Variants in COL5A2 observed in about 807,000 individuals in gnomAD.
COL5A2 encodes the protein collagen type V alpha 2 chain.
Under a neutral mutation model 208.2 loss-of-function variants are expected in COL5A2, and 23 were observed. That is an observed-to-expected ratio of 0.11 (90% CI 0.08 to 0.16). The LOEUF is 0.16. Ranked by LOEUF, COL5A2 falls within the 10% of genes least tolerant of loss-of-function variation. The pLI, the probability that COL5A2 is intolerant of heterozygous loss-of-function variation, is 1.00. For synonymous variants in COL5A2, 625 were observed against 628.5 expected (o/e 0.99, Z 0.08); for missense variants, 1,590 against 1,956.4 (o/e 0.81, Z 3.53).
chr2:189,107,428 T>C (rs1307837076), intron 2 of COL5A2, among the ~76,000 whole-genome samples: 1 of 151,564 alleles, frequency 6.6e-6, no homozygotes, highest in African/African-American at 2.4e-5. Context: ...TTCTTTATCA[T>C]TTTTTGCTTT....
At chr2:189,193,435 C>T (rs559957246) in intron 1 of COL5A2, among the ~76,000 whole-genome samples, 1 of 152,244 alleles carries the variant, frequency 6.6e-6, no homozygotes, top group South Asian at 2.1e-4. Flanking sequence ...CACTTATGAC[C>T]ATAAGAGTTT....
chr2:189,108,791 C>A (rs985143038), intron 2 of COL5A2, among the ~76,000 whole-genome samples: 12 of 151,626 alleles, frequency 7.9e-5, no homozygotes, highest in African/African-American at 2.9e-4. Context: ...AATTGTAATT[C>A]ATTATTTTCC....
At chr2:189,062,173 T>C (rs1686046782) in intron 29 of COL5A2, among the ~76,000 whole-genome samples, 1 of 122,558 alleles carries the variant, frequency 8.2e-6, no homozygotes, top group South Asian at 2.8e-4. Flanking sequence ...TCCTAAAAAA[T>C]ACCTTAAATA....
chr2:189,215,553 C>CT (rs1442562640), intron 1 of COL5A2, among the ~76,000 whole-genome samples: 2 of 151,642 alleles, frequency 1.3e-5, no homozygotes, highest in Non-Finnish European at 2.9e-5. Flanking sequence ...TTTCTTTTTA[C>CT]TTTTTTTAAT....
At chr2:189,198,500 G>C (rs1689034034) in intron 1 of COL5A2, among the ~76,000 whole-genome samples, 1 of 152,162 alleles carries the variant, frequency 6.6e-6, no homozygotes. Flanking sequence ...AAGAAATCCA[G>C]TGGTGAAGAA....
At chr2:189,134,898 T>C (rs190654324) in intron 1 of COL5A2, among the ~76,000 whole-genome samples, 3 of 152,322 alleles carry the variant, frequency 2.0e-5, no homozygotes, top group Admixed American at 2.0e-4. Flanking sequence ...AGTAACAACA[T>C]TAGCTTCTGC....
chr2:189,257,975 G>A, the COL5A2 span, among the ~76,000 whole-genome samples: 56 of 152,142 alleles, frequency 3.7e-4, no homozygotes, highest in South Asian at 8.9e-3. Context: ...TTAGCCAGGC[G>A]TGGTGGCAGG....
chr2:189,179,922 C>T (rs937551216), upstream of COL5A2: 2 of 527,928 alleles, frequency 3.8e-6, no homozygotes, highest in Admixed American at 3.4e-5. Context: ...CGTCTCTGTG[C>T]CTGAACTTTC....
intron 1 of COL5A2, among the ~76,000 whole-genome samples, chr2:189,162,173 GTAT>G (rs1158351195): frequency 6.6e-6 from 1 of 152,178 alleles, no homozygotes; most frequent in African/African-American, 2.4e-5. Flanking sequence ...AGACCACAAA[GTAT>G]TATCCTTGTT....
chr2:189,243,854 A>G, the COL5A2 span, among the ~76,000 whole-genome samples: 1 of 152,206 alleles, frequency 6.6e-6, no homozygotes, highest in Non-Finnish European at 1.5e-5. Context: ...CATTGGATAA[A>G]TACGGCCATT....
intron 1 of COL5A2, among the ~76,000 whole-genome samples, chr2:189,186,700 A>T (rs937567027): frequency 1.6e-4 from 25 of 152,250 alleles, no homozygotes; most frequent in African/African-American, 4.3e-4. Context: ...ACTGCTTTTT[A>T]AAAAAATTAC....
At chr2:189,400,209 T>A in the COL5A2 span, among the ~76,000 whole-genome samples, 1 of 152,236 alleles carries the variant, frequency 6.6e-6, no homozygotes, top group African/African-American at 2.4e-5. Context: ...TTCTCCAATA[T>A]GTGGCTTGAA....
the COL5A2 span, among the ~76,000 whole-genome samples, chr2:189,372,810 T>C: frequency 9.9e-5 from 15 of 152,180 alleles, no homozygotes; most frequent in Non-Finnish European, 1.8e-4. Context: ...TAATAGTAGG[T>C]ATATTTAAAA....
At chr2:189,240,181 C>A in the COL5A2 span, among the ~76,000 whole-genome samples, 1 of 152,172 alleles carries the variant, frequency 6.6e-6, no homozygotes, top group East Asian at 1.9e-4. Context: ...TTAATTGGGT[C>A]AGGCTGCTAT....
chr2:189,062,225 C>G (rs1262291697), intron 29 of COL5A2, among the ~76,000 whole-genome samples: 1 of 151,532 alleles, frequency 6.6e-6, no homozygotes, highest in African/African-American at 2.4e-5. Context: ...GCTCTGCCAC[C>G]CAGGCTGGAG....
chr2:189,180,582 G>A (rs889095187), upstream of COL5A2, among the ~76,000 whole-genome samples: 1 of 152,098 alleles, frequency 6.6e-6, no homozygotes, highest in African/African-American at 2.4e-5. Context: ...TGTGCATATA[G>A]TCCTTTATCT....
the COL5A2 span, among the ~76,000 whole-genome samples, chr2:189,429,218 T>C: frequency 6.6e-6 from 1 of 152,194 alleles, no homozygotes; most frequent in Non-Finnish European, 1.5e-5. Flanking sequence ...GTGTTGTACA[T>C]AATAAATACA....
chr2:189,199,690 C>T (rs1298695297), intron 1 of COL5A2, among the ~76,000 whole-genome samples: 1 of 152,134 alleles, frequency 6.6e-6, no homozygotes, highest in African/African-American at 2.4e-5. Context: ...AAGTCAGAAC[C>T]CTAAGAATCC....
the COL5A2 span, among the ~76,000 whole-genome samples, chr2:189,258,973 C>T: frequency 6.6e-6 from 1 of 152,170 alleles, no homozygotes; most frequent in African/African-American, 2.4e-5. Flanking sequence ...TGTAAAGCTT[C>T]ACCAGATGTT....
Sources: gnomAD v4.1 joint callset for allele counts (sites outside exome capture counted in the v4.1 genomes callset) on GRCh38, gnomAD v4.1.1 for gene constraint, MANE v1.5 for transcripts, NCBI Gene and HGNC (gene_info 2026-07-23, HGNC 2026-07-21) for gene names.